The following CDKN2B-AS1 variants were observed in gnomAD, a reference collection of about 807,000 sequenced individuals.
CDKN2B-AS1 encodes CDKN2B and CDKN2A antisense cis and trans regulatory RNA 1, also known as CDKN2B antisense RNA 1 (non-protein coding).
intron 1 of CDKN2B-AS1, among the ~76,000 whole-genome samples, chr9:22,016,656 T>A (rs928736254): frequency 2.0e-5 from 3 of 152,150 alleles, no homozygotes; most frequent in African/African-American, 7.2e-5. Context: ...TATCTACAAC[T>A]ATCTGATCTT....
chr9:22,076,049 G>GTTATA (rs1554675211), intron 4 of CDKN2B-AS1, among the ~76,000 whole-genome samples: 14 of 149,280 alleles, frequency 9.4e-5, no homozygotes, highest in Non-Finnish European at 1.7e-4. Context: ...GATTGGAGAG[G>GTTATA]TTTTATTTTA....
chr9:22,098,634 A>G (rs1209730448), intron 4 of CDKN2B-AS1, among the ~76,000 whole-genome samples: 1 of 152,178 alleles, frequency 6.6e-6, no homozygotes, highest in Non-Finnish European at 1.5e-5. Flanking sequence ...ACTCTGTATC[A>G]GTTACTTCAG....
intron 4 of CDKN2B-AS1, among the ~76,000 whole-genome samples, chr9:22,098,476 T>C (rs981772274): frequency 6.6e-6 from 1 of 151,836 alleles, no homozygotes; most frequent in Non-Finnish European, 1.5e-5. Context: ...ATCACCTTTA[T>C]AAAAATAAAA....
chr9:22,107,415 G>T (rs1444814306), intron 4 of CDKN2B-AS1, among the ~76,000 whole-genome samples: 2 of 152,158 alleles, frequency 1.3e-5, no homozygotes, highest in Non-Finnish European at 2.9e-5. Flanking sequence ...TGCACTCTCA[G>T]TCTAGACTAA....
At chr9:22,032,704 C>A (rs1368354601) in intron 1 of CDKN2B-AS1, 2 of 151,912 alleles carry the variant, frequency 1.3e-5, no homozygotes, top group South Asian at 4.2e-4. Flanking sequence ...GTCATCAATA[C>A]CACTTGCTGT....
chr9:22,071,363 G>A (rs1303662241), intron 4 of CDKN2B-AS1, among the ~76,000 whole-genome samples: 4 of 135,974 alleles, frequency 2.9e-5, no homozygotes, highest in East Asian at 4.3e-4. Context: ...GCAGTTGCGC[G>A]ATCTTGGCTC....
chr9:21,995,200 G>C lies in CDKN2B-AS1; in HGVS notation n.29+39G>C, dbSNP rs1175889277. On this transcript the variant is annotated intron_variant and non_coding_transcript_variant, in intron 1 of 4. Coordinates refer to ENST00000650946, the Ensembl canonical transcript of CDKN2B-AS1. This position sits in a 1 kb window ranked among gnomAD's most constrained non-coding sequence, Gnocchi z 5.7. ...CACCCGGGGGTCCCAGCTGGGTCCG[G>C]GCGCCCATTCCCCTCCCAGCTGCCC... is the stretch of plus-strand genomic sequence containing the variant. The C allele has an allele frequency of 1.3e-5, 2 of 152,212 alleles. No homozygotes were observed. Among genetic ancestry groups the C allele is most frequent in the Non-Finnish European group, 2.9e-5 (2 of 68,052 alleles). 9.4% of individuals were successfully genotyped at this position (152,212 alleles called of 1,614,324 possible).
At chr9:22,117,407 G>T (rs186107621) in intron 4 of CDKN2B-AS1, among the ~76,000 whole-genome samples, 10 of 152,200 alleles carry the variant, frequency 6.6e-5, no homozygotes, top group Admixed American at 2.6e-4. Context: ...TGAAGGGTTG[G>T]GGGGGAATCT....
At chr9:22,108,674 G>A (rs1273389756) in intron 4 of CDKN2B-AS1, among the ~76,000 whole-genome samples, 2 of 152,114 alleles carry the variant, frequency 1.3e-5, no homozygotes, top group African/African-American at 4.8e-5. Flanking sequence ...ACAAATTTGA[G>A]CAGTTTCACA....
At chr9:22,016,835 G>A (rs1471884256) in intron 1 of CDKN2B-AS1, among the ~76,000 whole-genome samples, 1 of 152,152 alleles carries the variant, frequency 6.6e-6, no homozygotes, top group Non-Finnish European at 1.5e-5. Flanking sequence ...TTTCAAAGGT[G>A]ACTAATGATT....
At chr9:22,062,282 G>A (rs1823853560) in intron 4 of CDKN2B-AS1, among the ~76,000 whole-genome samples, 1 of 152,164 alleles carries the variant, frequency 6.6e-6, no homozygotes, top group Admixed American at 6.5e-5. Context: ...TTAGCTTACA[G>A]AAAGTTAGTA....
At chr9:22,115,258 T>A (rs1825917932) in intron 4 of CDKN2B-AS1, among the ~76,000 whole-genome samples, 1 of 152,156 alleles carries the variant, frequency 6.6e-6, no homozygotes, top group South Asian at 2.1e-4. Context: ...TTTAGTTTGG[T>A]TCTACTTATA....
rs761414872 is a variant in CDKN2B-AS1, at chr9:22,008,957, G to A, written n.29+13796G>A. On this transcript the variant is annotated intron_variant and non_coding_transcript_variant, in intron 1 of 4. Coordinates refer to ENST00000650946, the Ensembl canonical transcript of CDKN2B-AS1. The stretch of plus-strand genomic sequence containing the variant: ...TGCCCTTGTTCTCCTCGCGCATTCC[G>A]CAGCCCCCAGACGCGCAGCGGCCCG... 4.3e-6 allele frequency: 7 copies of A among 1,612,926 alleles called. No homozygotes were observed. The highest frequency in any genetic ancestry group is 5.9e-6 in the Non-Finnish European group (7 of 1,179,956).
chr9:22,118,813 G>C (rs1053379851), intron 4 of CDKN2B-AS1: 4 of 152,160 alleles, frequency 2.6e-5, no homozygotes, highest in Admixed American at 2.6e-4. Context: ...GAATTTCACA[G>C]TGGCCTTTGC....
intron 4 of CDKN2B-AS1, among the ~76,000 whole-genome samples, chr9:22,063,776 G>C (rs1823920987): frequency 6.6e-6 from 1 of 152,202 alleles, no homozygotes; most frequent in Non-Finnish European, 1.5e-5. Context: ...CCCGGAGCTG[G>C]AGGACTCAAA....
At chr9:22,063,279 C>T (rs1200624877) in intron 4 of CDKN2B-AS1, among the ~76,000 whole-genome samples, 1 of 152,084 alleles carries the variant, frequency 6.6e-6, no homozygotes, top group Non-Finnish European at 1.5e-5. Context: ...GAGGATTCTT[C>T]ACAAAAAGTT....
At chr9:22,036,399 C>T (rs1478883017) in intron 1 of CDKN2B-AS1, among the ~76,000 whole-genome samples, 1 of 151,964 alleles carries the variant, frequency 6.6e-6, no homozygotes, top group Non-Finnish European at 1.5e-5. Context: ...ATCTAGGCCC[C>T]CCAAAATTAT....
intron 3 of CDKN2B-AS1, among the ~76,000 whole-genome samples, chr9:22,053,849 GT>G (rs1321311935): frequency 2.0e-5 from 3 of 151,930 alleles, no homozygotes; most frequent in African/African-American, 7.3e-5. Flanking sequence ...CTAGCTAATT[GT>G]TACAGCCATC....
chr9:22,066,765 G>A (rs1368170381), intron 4 of CDKN2B-AS1, among the ~76,000 whole-genome samples: 4 of 151,880 alleles, frequency 2.6e-5, no homozygotes, highest in Admixed American at 6.6e-5. Flanking sequence ...GAAAAGCAGC[G>A]TTACTAAGGC....
Sources: allele counts gnomAD v4.1 joint callset (sites outside exome capture counted in the v4.1 genomes callset), GRCh38; gene constraint gnomAD v4.1.1; non-coding constraint Gnocchi (gnomAD v3.1); transcripts MANE v1.5; gene names NCBI Gene and HGNC (gene_info 2026-07-23, HGNC 2026-07-21).